The following OR2AG1 variants were observed in gnomAD, a reference collection of about 807,000 sequenced individuals.
OR2AG1 encodes the protein olfactory receptor 2AG1.
For missense variants in OR2AG1, 391 were observed against 385.9 expected (o/e 1.01, Z -0.11); for synonymous variants, 157 against 155.6 (o/e 1.01, Z -0.07).
At chr11:6,784,355 A>C (rs1290044115) in intron 1 of OR2AG1, among the ~76,000 whole-genome samples, 1 of 152,208 alleles carries the variant, frequency 6.6e-6, no homozygotes, top group Non-Finnish European at 1.5e-5. Context: ...TGTTTTAAAT[A>C]AACACATTTG....
chr11:6,785,814 T>G lies in OR2AG1; in HGVS notation c.777T>G (p.Tyr259Ter), dbSNP rs374482498. The change falls in exon 2 of 2, where the codon TAT becomes TAG. Residue 259 changes from tyrosine (Y) to a stop codon, truncating the protein, a stop_gained. Coordinates refer to ENST00000641258, the MANE Select transcript of OR2AG1 (RefSeq NM_001004489.3). LOFTEE classifies it high-confidence loss of function. ...GMFYGAATFM[Y>*]VLPSSFHSTR... is the part of the protein sequence containing the mutation. ...TCTATGGAGCTGCCACATTCATGTA[T>G]GTCTTGCCCAGTTCCTTCCACAGCA... The G allele has an allele frequency of 6.2e-7, 1 of 1,614,076 alleles. No individual in the cohort carries two copies. The highest frequency in any genetic ancestry group is 8.5e-7 in the Non-Finnish European group (1 of 1,180,032).
At position 6,788,829 on chromosome 11, in the gene OR2AG1, C is replaced by A. The variant is rs1262428235; in HGVS notation, c.*2841C>A. ...TTTTCCCTCATTATAACTGCTTGAA[C>A]CCGGGAGGCAGAGACTGCAGTGAGC... is the stretch of plus-strand genomic sequence containing the variant. On this transcript the variant is annotated 3_prime_UTR_variant, in exon 2 of 2. Transcript: ENST00000641258. 1 of 151,828 alleles carries A rather than the reference C, an allele frequency of 6.6e-6. No individual in the cohort carries two copies. The highest frequency in any genetic ancestry group is 1.9e-4 in the East Asian group (1 of 5,188). The allele number at this position is 151,828 out of a possible 1,614,324, so 9.4% of individuals were successfully genotyped here.
rs200132366 is a variant in OR2AG1, at chr11:6,785,449, T to C, written c.412T>C (p.Ser138Pro). Residue 138 changes from serine to proline, a missense_variant, in exon 2 of 2, where the codon TCA becomes CCA. Coordinates refer to ENST00000641258, the MANE Select transcript of OR2AG1 (RefSeq NM_001004489.3). Reference sequence around the variant, plus strand: ...TCTGACATACATGACCCTCATGAGCTCAAGAGCCTGCTGGCTCATGGTGGC... The same window carrying C: ...TCTGACATACATGACCCTCATGAGCCCAAGAGCCTGCTGGCTCATGGTGGC... ...HPLTYMTLMSSRACWLMVATS... is the reference protein window; with the variant it reads ...HPLTYMTLMSPRACWLMVATS... 760 of 1,614,110 alleles carry C rather than the reference T, an allele frequency of 4.7e-4. 4 individuals carry two copies. The Middle Eastern group carries it at 7.1e-3, about 15-fold the overall frequency.
rs1195506953 is a variant in OR2AG1, at chr11:6,788,672, G to C, written c.*2684G>C. 1 of 152,082 alleles carries C rather than the reference G, an allele frequency of 6.6e-6. No individual in the cohort carries two copies. Among genetic ancestry groups the C allele is most frequent in the African/African-American group, 2.4e-5 (1 of 41,422 alleles). The allele number at this position is 152,082 out of a possible 1,614,324, so 9.4% of individuals were successfully genotyped here. On this transcript the variant is annotated 3_prime_UTR_variant, in exon 2 of 2. Coordinates refer to ENST00000641258, the MANE Select transcript of OR2AG1 (RefSeq NM_001004489.3). ...TACTTCTGGAACCTAGTCTCAGTCA[G>C]TTTTAAAATGAACATTCCACACCAT...
Position 6,785,113 on chromosome 11 carries a change from C to G in OR2AG1, c.76C>G (p.Leu26Val). The stretch of plus-strand genomic sequence containing the variant: ...TCTGAATGACAGTGGGTCTCCTGAA[C>G]TGCTCTGTGCTACAATTACAATCCT... Reference protein sequence around the residue: ...GILNDSGSPELLCATITILYL... With the variant: ...GILNDSGSPEVLCATITILYL... The change falls in exon 2 of 2, where the codon CTG becomes GTG. Residue 26 changes from leucine to valine, a missense_variant. Physicochemically the swap from Leu to Val is conservative, Grantham distance 32. Transcript: ENST00000641258. 1 of 1,614,120 alleles carries G rather than the reference C, an allele frequency of 6.2e-7. No individual in the cohort carries two copies. The highest frequency in any genetic ancestry group is 1.1e-5 in the South Asian group (1 of 91,082).
Position 6,789,966 on chromosome 11 carries a change from A to T in OR2AG1, c.*3978A>T, listed in dbSNP as rs1847671735. On this transcript the variant is annotated 3_prime_UTR_variant, in exon 2 of 2. Transcript: ENST00000641258. ...TGCACTCCATGTTTATTGCAGCATGATTCACAATAGACAAAATATTGGAAA... is the reference window on the plus strand; with the variant it reads ...TGCACTCCATGTTTATTGCAGCATGTTTCACAATAGACAAAATATTGGAAA... 1 of 152,244 alleles carries T rather than the reference A, an allele frequency of 6.6e-6. No individual in the cohort carries two copies. Among genetic ancestry groups the T allele is most frequent in the African/African-American group, 2.4e-5 (1 of 41,464 alleles). 9.4% of individuals were successfully genotyped at this position (152,244 alleles called of 1,614,324 possible).
rs1326955088 is a variant in OR2AG1, at chr11:6,789,082, A to G, written c.*3094A>G. On this transcript the variant is annotated 3_prime_UTR_variant, in exon 2 of 2. Transcript: ENST00000641258. Reference sequence around the variant, plus strand: ...CCATTTTCTCCTCTGCTGATCTTCTATTCGCATCTTAACACACTTTCAATC... The same window carrying G: ...CCATTTTCTCCTCTGCTGATCTTCTGTTCGCATCTTAACACACTTTCAATC... 6.6e-6 allele frequency: 1 copy of G among 151,048 alleles called. No individual in the cohort carries two copies. Among genetic ancestry groups the G allele is most frequent in the African/African-American group, 2.4e-5 (1 of 41,210 alleles). 9.4% of individuals were successfully genotyped at this position (151,048 alleles called of 1,614,324 possible).
rs1362047348 is a variant in OR2AG1, at chr11:6,787,303, G to A, written c.*1315G>A. 8.5e-5 allele frequency: 13 copies of A among 152,070 alleles called. No individual in the cohort carries two copies. The highest frequency in any genetic ancestry group is 5.9e-5 in the Non-Finnish European group (4 of 68,000). The allele number at this position is 152,070 out of a possible 1,614,324, so 9.4% of individuals were successfully genotyped here. A position where few individuals can be genotyped will look rare whatever the true frequency, so the allele number is the denominator to read the frequency against. ...CAGCACTGCAAAGAGTCTAGGGTCA[G>A]CTATCAGCGTACAGAAGTTAGAATT... On this transcript the variant is annotated 3_prime_UTR_variant, in exon 2 of 2. Coordinates refer to ENST00000641258, the MANE Select transcript of OR2AG1 (RefSeq NM_001004489.3).
At chr11:6,784,891 G>T in intron 1 of OR2AG1, 127 bp from the exon 2 acceptor site, 1 of 552,034 alleles carries the variant, frequency 1.8e-6, no homozygotes. Context: ...TTCAGAAATC[G>T]AGAGGCAAAG....
rs1418584321 is a variant in OR2AG1 at position 6,785,949 on chromosome 11, C to G, written c.912C>G (p.Val304=). The G allele has an allele frequency of 1.2e-6, 2 of 1,613,844 alleles. No individual in the cohort carries two copies. The highest frequency in any genetic ancestry group is 3.3e-5 in the Admixed American group (2 of 59,990). ...NKEVMRALRR[V]LGKYMLPAHS... ...AGGTCATGCGGGCCTTGAGGAGGGTCCTGGGAAAATACATGCTGCCAGCAC... is the reference window on the plus strand; with the variant it reads ...AGGTCATGCGGGCCTTGAGGAGGGTGCTGGGAAAATACATGCTGCCAGCAC... Residue 304 remains valine (V), a synonymous_variant, in exon 2 of 2, where the codon GTC becomes GTG. Coordinates refer to ENST00000641258, the MANE Select transcript of OR2AG1 (RefSeq NM_001004489.3).
intron 1 of OR2AG1, among the ~76,000 whole-genome samples, chr11:6,783,753 G>A (rs471312): frequency 0.12 from 18,622 of 152,158 alleles, 1,340 homozygotes; most frequent in South Asian, 0.23. Flanking sequence ...GCTGGCTCCC[G>A]GTAACGCATT....
At chr11:6,784,507 A>G (rs1364939860) in intron 1 of OR2AG1, among the ~76,000 whole-genome samples, 3 of 152,210 alleles carry the variant, frequency 2.0e-5, no homozygotes, top group African/African-American at 4.8e-5. Context: ...TAAGGTGGAC[A>G]AGTTTTAGCC....
rs552277450 is a variant in OR2AG1, at chr11:6,788,654, G to A, written c.*2666G>A. The stretch of plus-strand genomic sequence containing the variant: ...GAACATGGTGCATGACTATACTTCT[G>A]GAACCTAGTCTCAGTCAGTTTTAAA... On this transcript the variant is annotated 3_prime_UTR_variant, in exon 2 of 2. Coordinates refer to ENST00000641258, the MANE Select transcript of OR2AG1 (RefSeq NM_001004489.3). 1.3e-5 allele frequency: 2 copies of A among 152,058 alleles called. No homozygotes were observed. The highest frequency in any genetic ancestry group is 2.1e-4 in the South Asian group (1 of 4,816). The allele number at this position is 152,058 out of a possible 1,614,324, so 9.4% of individuals were successfully genotyped here. A position where few individuals can be genotyped will look rare whatever the true frequency, so the allele number is the denominator to read the frequency against.
chr11:6,786,840 C>T lies in OR2AG1; in HGVS notation c.*852C>T, dbSNP rs1291730291. 5 of 152,144 alleles carry T rather than the reference C, an allele frequency of 3.3e-5. No homozygotes were observed. The highest frequency in any genetic ancestry group is 1.3e-4 in the Admixed American group (2 of 15,266). The allele number at this position is 152,144 out of a possible 1,614,324, so 9.4% of individuals were successfully genotyped here. A position where few individuals can be genotyped will look rare whatever the true frequency, so the allele number is the denominator to read the frequency against. On this transcript the variant is annotated 3_prime_UTR_variant, in exon 2 of 2. Transcript: ENST00000641258. ...TTTGTGCTAAAGATGGAGAGGACAA[C>T]ATAATGCATTTTCTCACCAGCTTAA...
At position 6,787,671 on chromosome 11, in the gene OR2AG1, G is replaced by GTGTGTGTATGTCTC. The variant is rs1847642625; in HGVS notation, c.*1690_*1691insATGTCTCTGTGTGT. 6.6e-6 allele frequency: 1 copy of GTGTGTGTATGTCTC among 151,372 alleles called. No homozygotes were observed. The highest frequency in any genetic ancestry group is 2.4e-5 in the African/African-American group (1 of 41,166). 9.4% of individuals were successfully genotyped at this position (151,372 alleles called of 1,614,324 possible). On this transcript the variant is annotated 3_prime_UTR_variant, in exon 2 of 2. Transcript: ENST00000641258. ...AACATTGTCGTGTGTGTGTGTGTGT[G>GTGTGTGTATGTCTC]TGTGTGTGTGTGTATGTCTCTGTGT... is the stretch of plus-strand genomic sequence containing the variant.
rs1270889176 is a variant in OR2AG1, at chr11:6,787,638, T to G, written c.*1650T>G. ...CATTATTAGCTATTTTATCATTGTT[T>G]TACCTTTAACATTGTCGTGTGTGTG... On this transcript the variant is annotated 3_prime_UTR_variant, in exon 2 of 2. Coordinates refer to ENST00000641258, the MANE Select transcript of OR2AG1 (RefSeq NM_001004489.3). 4 of 150,292 alleles carry G rather than the reference T, an allele frequency of 2.7e-5. No individual in the cohort carries two copies. Among genetic ancestry groups the G allele is most frequent in the Non-Finnish European group, 5.9e-5 (4 of 67,574 alleles). The allele number at this position is 150,292 out of a possible 1,614,324, so 9.3% of individuals were successfully genotyped here. A position where few individuals can be genotyped will look rare whatever the true frequency, so the allele number is the denominator to read the frequency against.
At chr11:6,784,969 A>G in intron 1 of OR2AG1, 49 bp from the exon 2 acceptor site, 1 of 973,602 alleles carries the variant, frequency 1.0e-6, no homozygotes, top group South Asian at 1.7e-5. Flanking sequence ...ATATTTCAAA[A>G]CTAGAGTTCA....
At position 6,784,895 on chromosome 11, in the gene OR2AG1, G is replaced by C. The variant is rs1589995934; in HGVS notation, c.-20-123G>C. On this transcript the variant is annotated intron_variant, in intron 1 of 1. Transcript: ENST00000641258. The stretch of plus-strand genomic sequence containing the variant: ...GAAGTCAGACATTCAGAAATCGAGA[G>C]GCAAAGTCAGTTATCAGTGGAAAGG... 1.1e-5 allele frequency: 6 copies of C among 563,772 alleles called. No homozygotes were observed. The East Asian group carries it at 1.7e-4, about 16-fold the overall frequency. 34.9% of individuals were successfully genotyped at this position (563,772 alleles called of 1,614,324 possible).
Position 6,785,751 on chromosome 11 carries a change from T to A in OR2AG1, c.714T>A (p.Leu238=). ...MPSNEGRKKA[L]VTCSSHLTVV... ...CAAATGAGGGGAGGAAGAAAGCCCTTGTCACCTGCTCTTCCCACCTGACTG... is the reference window on the plus strand; with the variant it reads ...CAAATGAGGGGAGGAAGAAAGCCCTAGTCACCTGCTCTTCCCACCTGACTG... Residue 238 remains leucine, a synonymous_variant, in exon 2 of 2, where the codon CTT becomes CTA. Transcript: ENST00000641258. 6.2e-7 allele frequency: 1 copy of A among 1,614,194 alleles called. No individual in the cohort carries two copies. Among genetic ancestry groups the A allele is most frequent in the East Asian group, 2.2e-5 (1 of 44,890 alleles).
Sources: gnomAD v4.1 joint callset for allele counts (sites outside exome capture counted in the v4.1 genomes callset) on GRCh38, gnomAD v4.1.1 for gene constraint, MANE v1.5 for transcripts, NCBI Gene and HGNC (gene_info 2026-07-23, HGNC 2026-07-21) for gene names.